CSTPP1: variants seen among roughly 807,000 people sequenced by gnomAD.
The protein encoded by CSTPP1 is UPF0705 protein C11orf49.
At chr11:46,936,918 AGGCGGG>A in the CSTPP1 span, 6 of 321,368 alleles carry the variant, frequency 1.9e-5, no homozygotes, top group Non-Finnish European at 2.1e-5. Flanking sequence ...GTCTGGGAGG[AGGCGGG>A]GGCGGGGTCT....
At chr11:47,146,306 A>T in the CSTPP1 span, among the ~76,000 whole-genome samples, 1 of 150,288 alleles carries the variant, frequency 6.7e-6, no homozygotes, top group Non-Finnish European at 1.5e-5. Context: ...TGGAGATTGC[A>T]GTGAGCCGAA....
the CSTPP1 span, among the ~76,000 whole-genome samples, chr11:46,944,447 C>T: frequency 7.9e-5 from 12 of 151,948 alleles, no homozygotes; most frequent in Non-Finnish European, 1.3e-4. Context: ...AATACGTAAA[C>T]ATCTGGTGGC....
At chr11:47,129,119 G>GT in the CSTPP1 span, among the ~76,000 whole-genome samples, 1 of 152,312 alleles carries the variant, frequency 6.6e-6, no homozygotes, top group Admixed American at 6.5e-5. Context: ...GCAGGAGTTT[G>GT]TAACAACACC....
chr11:46,967,343 C>A, the CSTPP1 span, among the ~76,000 whole-genome samples: 1 of 152,102 alleles, frequency 6.6e-6, no homozygotes, highest in Non-Finnish European at 1.5e-5. Context: ...AATGAATTGC[C>A]TTGCCACCTT....
chr11:46,969,421 G>T, the CSTPP1 span, among the ~76,000 whole-genome samples: 1 of 152,178 alleles, frequency 6.6e-6, no homozygotes, highest in African/African-American at 2.4e-5. Context: ...ATGAGAATAT[G>T]AAATGATATA....
At chr11:47,051,004 A>G in the CSTPP1 span, among the ~76,000 whole-genome samples, 1 of 152,240 alleles carries the variant, frequency 6.6e-6, no homozygotes, top group African/African-American at 2.4e-5. Flanking sequence ...CACACTCTAT[A>G]TTAAAGACAA....
At chr11:47,126,429 C>G in the CSTPP1 span, among the ~76,000 whole-genome samples, 1 of 152,048 alleles carries the variant, frequency 6.6e-6, no homozygotes, top group Non-Finnish European at 1.5e-5. Flanking sequence ...TCCAGAGCAA[C>G]CTGGGCAACA....
chr11:46,963,151 A>G, the CSTPP1 span, among the ~76,000 whole-genome samples: 2 of 152,072 alleles, frequency 1.3e-5, no homozygotes, highest in Non-Finnish European at 2.9e-5. Context: ...CCTGCAGTAG[A>G]ATATTGAGTA....
At chr11:46,960,188 CAG>C in the CSTPP1 span, among the ~76,000 whole-genome samples, 16 of 152,258 alleles carry the variant, frequency 1.1e-4, no homozygotes, top group Admixed American at 6.5e-4. Flanking sequence ...TTGAAAGACA[CAG>C]AGTCTCAATA....
chr11:46,964,187 T>C, the CSTPP1 span, among the ~76,000 whole-genome samples: 1 of 152,154 alleles, frequency 6.6e-6, no homozygotes, highest in Non-Finnish European at 1.5e-5. Context: ...ATATGGCAGC[T>C]TTTTTCCCTC....
chr11:47,005,486 G>C, the CSTPP1 span, among the ~76,000 whole-genome samples: 1 of 152,128 alleles, frequency 6.6e-6, no homozygotes, highest in East Asian at 1.9e-4. Flanking sequence ...ATATGGCCCA[G>C]TACACTGAGA....
At chr11:47,013,938 G>C in the CSTPP1 span, among the ~76,000 whole-genome samples, 1 of 152,138 alleles carries the variant, frequency 6.6e-6, no homozygotes, top group South Asian at 2.1e-4. Context: ...AGGTGCAGTA[G>C]CTCACACCCA....
chr11:47,077,040 A>G, the CSTPP1 span, among the ~76,000 whole-genome samples: 1 of 151,812 alleles, frequency 6.6e-6, no homozygotes, highest in Non-Finnish European at 1.5e-5. Flanking sequence ...AGAAAGAGAA[A>G]TTGGAAGAAC....
the CSTPP1 span, among the ~76,000 whole-genome samples, chr11:47,146,241 T>A: frequency 6.6e-6 from 1 of 151,822 alleles, no homozygotes. Flanking sequence ...GGCGGGCGCC[T>A]GTAATTCCAG....
At chr11:47,042,151 A>G in the CSTPP1 span, among the ~76,000 whole-genome samples, 5 of 71,954 alleles carry the variant, frequency 6.9e-5, 2 homozygotes, top group Non-Finnish European at 2.4e-4. Context: ...ACAGTGAGCT[A>G]TGATTGCATC....
At chr11:46,952,407 C>T in the CSTPP1 span, among the ~76,000 whole-genome samples, 1 of 152,210 alleles carries the variant, frequency 6.6e-6, no homozygotes. Context: ...GCCAACGAGG[C>T]AGGGAATTTT....
the CSTPP1 span, among the ~76,000 whole-genome samples, chr11:46,966,643 A>G: frequency 1.3e-5 from 2 of 152,134 alleles, no homozygotes; most frequent in Admixed American, 6.5e-5. Flanking sequence ...TTGAGCTTGC[A>G]TGTCAAATAA....
At chr11:47,046,977 T>C in the CSTPP1 span, among the ~76,000 whole-genome samples, 2 of 151,392 alleles carry the variant, frequency 1.3e-5, no homozygotes, top group African/African-American at 2.4e-5. Context: ...CTCAGCTCAC[T>C]ACAACCTCCA....
the CSTPP1 span, among the ~76,000 whole-genome samples, chr11:46,961,432 G>T: frequency 2.0e-5 from 3 of 152,250 alleles, no homozygotes; most frequent in African/African-American, 4.8e-5. Flanking sequence ...TGGCAGTTTA[G>T]ATCTGGACTG....
Sources: gnomAD v4.1 joint callset for allele counts (sites outside exome capture counted in the v4.1 genomes callset) on GRCh38, gnomAD v4.1.1 for gene constraint, MANE v1.5 for transcripts, NCBI Gene and HGNC (gene_info 2026-07-23, HGNC 2026-07-21) for gene names.